Variants in AMPD2 observed in about 807,000 individuals in gnomAD.
The protein encoded by AMPD2 is adenosine monophosphate deaminase 2.
Under a neutral mutation model 91.3 loss-of-function variants are expected in AMPD2, and 52 were observed. That is an observed-to-expected ratio of 0.57 (90% CI 0.46 to 0.72). The LOEUF is 0.72. Among genes scored for constraint, AMPD2 ranks in the 30% least tolerant of loss-of-function variants. The probability of loss-of-function intolerance (pLI) is 0.00; values close to 1 mark genes in which losing one functional copy is unlikely to be tolerated. For synonymous variants in AMPD2, 455 were observed against 456.4 expected (o/e 1.00, Z 0.04); for missense variants, 822 against 1,122.3 (o/e 0.73, Z 3.82).
intron 1 of AMPD2, 69 bp downstream of exon 1, chr1:109,620,347 G>A (rs1231546496): frequency 3.1e-6 from 5 of 1,599,604 alleles, no homozygotes; most frequent in Non-Finnish European, 4.3e-6. Context: ...AGAGTGACAA[G>A]AGGGTGGGAG....
chr1:109,620,540 G>A (rs1570573484), intron 1 of AMPD2: 5 of 1,264,416 alleles, frequency 4.0e-6, no homozygotes, highest in Non-Finnish European at 5.0e-6. Context: ...ATTTGGCGAC[G>A]GTGGAATTTT....
intron 1 of AMPD2, chr1:109,620,661 G>C: frequency 8.3e-7 from 1 of 1,202,450 alleles, no homozygotes; most frequent in Non-Finnish European, 1.0e-6. Flanking sequence ...AGTGGGTGCT[G>C]GGTTTTCACG....
chr1:109,625,603 GTAGGAGAGTGCCC>G lies in AMPD2; in HGVS notation c.223-58_223-46del. 6.2e-7 allele frequency: 1 copy of G among 1,606,814 alleles called. No homozygotes were observed. On this transcript the variant is annotated intron_variant, in intron 3 of 18. Coordinates refer to ENST00000528667, the MANE Select transcript of AMPD2 (RefSeq NM_001368809.2). The surrounding 1 kb of genome is among the most constrained non-coding windows in gnomAD (Gnocchi z 4.0). ...TGCCCTCACCCCATCCCCAGACTCT[GTAGGAGAGTGCCC>G]GAGGGCGGAGGGCCAGCCATGCTGA... is the stretch of plus-strand genomic sequence containing the variant.
Position 109,628,753 on chromosome 1 carries a change from G to T in AMPD2, c.1518G>T (p.Met506Ile), listed in dbSNP as rs1414061206. ...EWDKLARWAV[M>I]HRVHSPNVRW... ...ACAAGCTGGCGCGCTGGGCCGTCATGCACCGCGTGCACTCCCCCAACGTGC... is the reference window on the plus strand; with the variant it reads ...ACAAGCTGGCGCGCTGGGCCGTCATTCACCGCGTGCACTCCCCCAACGTGC... Residue 506 changes from methionine to isoleucine, a missense_variant, in exon 13 of 19, where the codon ATG (methionine) becomes ATT (isoleucine). Met to Ile is a conservative substitution (Grantham distance 10). This residue lies in a region of AMPD2 where 430 missense variants were observed against 606.0 expected (regional missense o/e 0.71). Coordinates refer to ENST00000528667, the MANE Select transcript of AMPD2 (RefSeq NM_001368809.2). This position sits in a 1 kb window ranked among gnomAD's most constrained non-coding sequence, Gnocchi z 7.1. 1 of 1,591,468 alleles carries T rather than the reference G, an allele frequency of 6.3e-7. No individual in the cohort carries two copies. Among genetic ancestry groups the T allele is most frequent in the African/African-American group, 1.3e-5 (1 of 74,300 alleles).
intron 2 of AMPD2, 177 bp downstream of exon 2, chr1:109,621,443 G>A (rs776948964): frequency 3.0e-6 from 2 of 662,238 alleles, no homozygotes; most frequent in East Asian, 6.1e-5. Flanking sequence ...GGGTGGTGGG[G>A]GGCGGGGGGT....
In AMPD2 at chr1:109,628,526, G is replaced by A. The variant is rs778958176; in HGVS notation, c.1407+31G>A. The A allele has an allele frequency of 1.2e-6, 2 of 1,612,222 alleles. No homozygotes were observed. Among genetic ancestry groups the A allele is most frequent in the Non-Finnish European group, 1.7e-6 (2 of 1,179,856 alleles). Reference sequence around the variant, plus strand: ...GAGGCAGCCTTCCCTGCCAAGCCTCGAGCCTGAGGATCTGGGGGCTTTTAG... The same window carrying A: ...GAGGCAGCCTTCCCTGCCAAGCCTCAAGCCTGAGGATCTGGGGGCTTTTAG... On this transcript the variant is annotated intron_variant, in intron 12 of 18. Transcript: ENST00000528667. This position sits in a 1 kb window ranked among gnomAD's most constrained non-coding sequence, Gnocchi z 7.1.
At chr1:109,627,126 G>A in intron 7 of AMPD2, 49 bp from the exon 8 acceptor site, 1 of 1,608,940 alleles carries the variant, frequency 6.2e-7, no homozygotes, top group Non-Finnish European at 8.5e-7. Context: ...TTGGGCAGTG[G>A]GTGGCTTGGA....
Position 109,629,423 on chromosome 1 carries a change from A to C in AMPD2, c.1795A>C (p.Asn599His), listed in dbSNP as rs1378054780. 3.1e-6 allele frequency: 5 copies of C among 1,613,970 alleles called. No individual in the cohort carries two copies. In the African/African-American group the frequency reaches 5.3e-5, roughly 17 times the overall value. The change falls in exon 15 of 19, where the codon AAC becomes CAC. Residue 599 changes from asparagine to histidine, a missense_variant. Transcript: ENST00000528667. ...PLPEAWVEED[N>H]PPYAYYLYYT... ...GCCTGAGGCGTGGGTGGAGGAGGACAACCCACCCTATGCCTACTACCTGTA... is the reference window on the plus strand; with the variant it reads ...GCCTGAGGCGTGGGTGGAGGAGGACCACCCACCCTATGCCTACTACCTGTA...
rs753496081 is a variant in AMPD2, at chr1:109,625,388, C to T, written c.177C>T (p.Leu59=). 9.9e-6 allele frequency: 16 copies of T among 1,613,974 alleles called. No homozygotes were observed. The highest frequency in any genetic ancestry group is 1.7e-4 in the Middle Eastern group (1 of 6,060). Residue 59 remains leucine, a synonymous_variant, in exon 3 of 19, where the codon CTC becomes CTT. Transcript: ENST00000528667. The surrounding 1 kb of genome is among the most constrained non-coding windows in gnomAD (Gnocchi z 4.0). ...GPAPCLKHFP[L]DLRTSMDGKC... Reference sequence around the variant, plus strand: ...CCCCCTGCCTCAAGCACTTCCCGCTCGACCTGCGCACGTCTATGGATGGCA... The same window carrying T: ...CCCCCTGCCTCAAGCACTTCCCGCTTGACCTGCGCACGTCTATGGATGGCA...
Position 109,626,831 on chromosome 1 carries a change from C to A in AMPD2, c.637C>A (p.Arg213Ser). 6.2e-7 allele frequency: 1 copy of A among 1,613,818 alleles called. No homozygotes were observed. ...LSLQSFCPTT[R>S]RYLQQLAEKP... ...CCTGCAGAGCTTCTGCCCCACCACC[C>A]GCCGCTACCTGCAGCAGCTGGCTGA... The change falls in exon 7 of 19, where the codon CGC becomes AGC. Residue 213 changes from arginine to serine, a missense_variant. By Grantham distance (110) the Arg-to-Ser change is moderately radical. This residue lies in a region of AMPD2 where 240 missense variants were observed against 270.3 expected (regional missense o/e 0.89). Transcript: ENST00000528667.
intron 18 of AMPD2, 46 bp from the exon 19 acceptor site, chr1:109,630,897 C>T: frequency 6.2e-7 from 1 of 1,609,034 alleles, no homozygotes; most frequent in African/African-American, 1.3e-5. Context: ...GGGCATGACC[C>T]CTCAGCACTG....
Position 109,625,397 on chromosome 1 carries a change from C to T in AMPD2, c.186C>T (p.Arg62=). 6.2e-7 allele frequency: 1 copy of T among 1,614,010 alleles called. No homozygotes were observed. The highest frequency in any genetic ancestry group is 8.5e-7 in the Non-Finnish European group (1 of 1,180,000). Reference sequence around the variant, plus strand: ...TCAAGCACTTCCCGCTCGACCTGCGCACGTCTATGGATGGCAAATGCAAGG... The same window carrying T: ...TCAAGCACTTCCCGCTCGACCTGCGTACGTCTATGGATGGCAAATGCAAGG... The part of the protein sequence containing the change: ...PCLKHFPLDL[R]TSMDGKCKEI... Residue 62 remains arginine, a synonymous_variant, in exon 3 of 19, where the codon CGC becomes CGT. Coordinates refer to ENST00000528667, the MANE Select transcript of AMPD2 (RefSeq NM_001368809.2). This position sits in a 1 kb window ranked among gnomAD's most constrained non-coding sequence, Gnocchi z 4.0.
At chr1:109,627,341 G>C (rs1223906280) in intron 8 of AMPD2, 25 bp downstream of exon 8, 6 of 1,610,852 alleles carry the variant, frequency 3.7e-6, no homozygotes, top group Non-Finnish European at 5.1e-6. Flanking sequence ...GTGCATGTTG[G>C]GGGGATGCAG....
chr1:109,629,230 G>C lies in AMPD2; in HGVS notation c.1693G>C (p.Glu565Gln). The change falls in exon 14 of 19, where the codon GAG becomes CAG. Residue 565 changes from glutamate (E) to glutamine (Q), a missense_variant. Around this residue, in one of 5 missense-constraint regions of AMPD2, gnomAD observed 430 missense variants for 606.0 expected, o/e 0.71. Transcript: ENST00000528667. ...ASHPELHLFL[E>Q]HVDGFDSVDD... ...CCACCCGGAACTGCATCTCTTCTTA[G>C]AGCACGTGAGCAGGCAGCGCAGAGC... 7 of 1,614,112 alleles carry C rather than the reference G, an allele frequency of 4.3e-6. No individual in the cohort carries two copies. The highest frequency in any genetic ancestry group is 1.1e-5 in the South Asian group (1 of 91,086).
chr1:109,629,624 T>C (rs1414842707), intron 15 of AMPD2, 134 bp downstream of exon 15: 1 of 1,442,932 alleles, frequency 6.9e-7, no homozygotes, highest in Non-Finnish European at 9.4e-7. Flanking sequence ...TTCTCTGCCC[T>C]TGGAGCTACA....
Position 109,628,313 on chromosome 1 carries a change from AGTCAGGG to A in AMPD2, c.1275+38_1276-43del. ...GTGGCGTGGGCTGTGGGACTGAGTC[AGTCAGGG>A]GACCAGGAGTCACGGGTGACCTGAG... On this transcript the variant is annotated intron_variant, in intron 11 of 18. Coordinates refer to ENST00000528667, the MANE Select transcript of AMPD2 (RefSeq NM_001368809.2). The surrounding 1 kb of genome is among the most constrained non-coding windows in gnomAD (Gnocchi z 7.1). The A allele has an allele frequency of 6.2e-7, 1 of 1,613,158 alleles. No homozygotes were observed. Among genetic ancestry groups the A allele is most frequent in the Admixed American group, 1.7e-5 (1 of 60,002 alleles).
At position 109,629,359 on chromosome 1, in the gene AMPD2, C is replaced by T. The variant is rs1570593395; in HGVS notation, c.1731C>T (p.Ser577=). Residue 577 remains serine (S), a synonymous_variant, in exon 15 of 19, where the codon TCC becomes TCT. Coordinates refer to ENST00000528667, the MANE Select transcript of AMPD2 (RefSeq NM_001368809.2). ...GTTTTGACAGCGTGGATGATGAGTC[C>T]AAGCCTGAAAACCATGTCTTCAACC... The part of the protein sequence containing the change: ...VDGFDSVDDE[S]KPENHVFNLE... The T allele has an allele frequency of 6.2e-7, 1 of 1,614,154 alleles. No homozygotes were observed.
At position 109,621,066 on chromosome 1, in the gene AMPD2, A is replaced by G. The variant is rs1418370509; in HGVS notation, c.-110A>G. ...CGCCTGCGGAGCCGCTGCTTCCTGC[A>G]TCAGTCACTCCCGCTGGGGGCGGGG... On this transcript the variant is annotated 5_prime_UTR_variant, in exon 2 of 19. Coordinates refer to ENST00000528667, the MANE Select transcript of AMPD2 (RefSeq NM_001368809.2). 1.9e-6 allele frequency: 3 copies of G among 1,609,504 alleles called. No homozygotes were observed. Among genetic ancestry groups the G allele is most frequent in the African/African-American group, 1.3e-5 (1 of 74,842 alleles).
chr1:109,620,323 G>T, intron 1 of AMPD2, 45 bp downstream of exon 1: 3 of 1,611,728 alleles, frequency 1.9e-6, no homozygotes, highest in Non-Finnish European at 2.5e-6. Context: ...CTGGGACAGA[G>T]AAGTGCTGTG....
Sources: allele counts gnomAD v4.1 joint callset, GRCh38; gene constraint gnomAD v4.1.1; regional missense constraint gnomAD v4.1.1; non-coding constraint Gnocchi (gnomAD v3.1); transcripts MANE v1.5; gene names NCBI Gene and HGNC (gene_info 2026-07-23, HGNC 2026-07-21).